Variants in BRAF observed in about 807,000 individuals in gnomAD.
BRAF encodes B-Raf proto-oncogene, serine/threonine kinase, also known as serine/threonine-protein kinase B-raf.
A neutral mutation model predicts 104.6 loss-of-function variants in BRAF; 16 were observed. That is an observed-to-expected ratio of 0.15 (90% CI 0.10 to 0.23). BRAF has a LOEUF of 0.23. BRAF is among the 10% of genes least tolerant of loss of function. The pLI is 1.00. For synonymous variants in BRAF, 310 were observed against 341.6 expected, an observed-to-expected ratio of 0.91 and a Z score of 1.02; for missense variants, 541 against 937.3, an observed-to-expected ratio of 0.58 and a Z score of 5.52.
chr7:140,734,272 C>T, intron 19 of BRAF: 1 of 1,222,124 alleles, frequency 8.2e-7, no homozygotes, highest in East Asian at 3.6e-5. Context: ...TAGCTGGCAA[C>T]AAAAGTTGCA....
chr7:140,800,400 A>G lies in BRAF; in HGVS notation c.942T>C (p.Ser314=). The G allele has an allele frequency of 6.2e-7, 1 of 1,614,204 alleles. No homozygotes were observed. Residue 314 remains serine (S), a synonymous_variant, in exon 7 of 20, where the codon TCT becomes TCC. Transcript: ENST00000644969. ...AGGCGGGTGCGGAAGGGGATGATCCAGATGTTAGGGCAGTCTCTGCTAAGG... is the reference window on the plus strand; with the variant it reads ...AGGCGGGTGCGGAAGGGGATGATCCGGATGTTAGGGCAGTCTCTGCTAAGG... The part of the protein sequence containing the change: ...EASLAETALT[S]GSSPSAPASD...
At chr7:140,815,503 G>T (rs10252774) in intron 3 of BRAF, among the ~76,000 whole-genome samples, 7 of 139,222 alleles carry the variant, frequency 5.0e-5, no homozygotes, top group Non-Finnish European at 9.0e-5. Context: ...GTGCGACCTA[G>T]AATCACTGCA....
At chr7:140,794,543 A>C in intron 7 of BRAF, 76 bp from the exon 8 acceptor site, 1 of 1,510,108 alleles carries the variant, frequency 6.6e-7, no homozygotes, top group Non-Finnish European at 9.1e-7. Context: ...AAGGAAGATA[A>C]AAGGATTTTC....
At chr7:140,893,252 CTT>C (rs1212458745) in intron 1 of BRAF, among the ~76,000 whole-genome samples, 31 of 141,618 alleles carry the variant, frequency 2.2e-4, no homozygotes, top group Admixed American at 2.8e-4. Flanking sequence ...CCATAACATT[CTT>C]TTTTTTTTTT....
At chr7:140,785,541 C>CA (rs2129029277) in intron 10 of BRAF, 1 of 392,758 alleles carries the variant, frequency 2.5e-6, no homozygotes, top group East Asian at 3.6e-5. Flanking sequence ...GACGTACATT[C>CA]AAAGCATTCC....
intron 14 of BRAF, among the ~76,000 whole-genome samples, chr7:140,760,510 A>C (rs1798601509): frequency 6.6e-6 from 1 of 152,148 alleles, no homozygotes; most frequent in African/African-American, 2.4e-5. Context: ...AAGGAGAGCA[A>C]CTGGACAGTG....
rs1350588476 is a variant in BRAF at position 140,889,222 on chromosome 7, AC to A, written c.138+35343del. Among the ~76,000 whole-genome samples the A allele has an allele frequency of 4.6e-5, 7 of 152,322 alleles. No individual in the cohort carries two copies. The East Asian group carries it at 1.3e-3, about 29-fold the overall frequency. ...CAGGTTACTTAATTTCTGACAAGAAACTAGCTATTTTAAAAAAATTATCCAG... is the reference window on the plus strand; with the variant it reads ...CAGGTTACTTAATTTCTGACAAGAAATAGCTATTTTAAAAAAATTATCCAG... On this transcript the variant is annotated intron_variant, in intron 1 of 19. Coordinates refer to ENST00000644969, the MANE Select transcript of BRAF (RefSeq NM_001374258.1).
intron 1 of BRAF, among the ~76,000 whole-genome samples, chr7:140,879,885 C>T (rs896075579): frequency 6.6e-6 from 1 of 152,026 alleles, no homozygotes; most frequent in Non-Finnish European, 1.5e-5. Flanking sequence ...GTGCGTGCCA[C>T]CACGACTTGC....
intron 1 of BRAF, among the ~76,000 whole-genome samples, chr7:140,897,535 C>T (rs1815095932): frequency 1.6e-5 from 2 of 123,632 alleles, no homozygotes; most frequent in South Asian, 5.0e-4. Context: ...CTTGCTCTGT[C>T]GCCAGGCTGG....
chr7:140,774,436 G>A (rs1800134528), intron 14 of BRAF, among the ~76,000 whole-genome samples: 1 of 152,190 alleles, frequency 6.6e-6, no homozygotes, highest in South Asian at 2.1e-4. Flanking sequence ...ATTTGATAAT[G>A]TTCTTCTTTA....
At chr7:140,803,482 T>G (rs1422894206) in intron 5 of BRAF, among the ~76,000 whole-genome samples, 2 of 152,092 alleles carry the variant, frequency 1.3e-5, no homozygotes, top group African/African-American at 4.8e-5. Context: ...ATAAAACTAG[T>G]AAGTAATCAT....
chr7:140,753,716 T>TC (rs1797972017), intron 15 of BRAF: 2 of 311,214 alleles, frequency 6.4e-6, no homozygotes, highest in South Asian at 6.6e-5. Context: ...CTCTTGGCAC[T>TC]CCTGGGCGAG....
chr7:140,797,950 T>C (rs1802659386), intron 7 of BRAF, among the ~76,000 whole-genome samples: 1 of 152,212 alleles, frequency 6.6e-6, no homozygotes, highest in Non-Finnish European at 1.5e-5. Flanking sequence ...AAGAGATAAC[T>C]GCTACAACCT....
At chr7:140,864,749 T>C (rs1009229979) in intron 1 of BRAF, among the ~76,000 whole-genome samples, 1 of 152,308 alleles carries the variant, frequency 6.6e-6, no homozygotes, top group Non-Finnish European at 1.5e-5. Flanking sequence ...GTCATTCCTA[T>C]TTACATACAT....
At chr7:140,871,746 C>T (rs1293391927) in intron 1 of BRAF, among the ~76,000 whole-genome samples, 3 of 152,162 alleles carry the variant, frequency 2.0e-5, no homozygotes, top group African/African-American at 7.2e-5. Flanking sequence ...ACATGTATGG[C>T]TATTTAATTT....
At chr7:140,760,620 G>A (rs912495531) in intron 14 of BRAF, among the ~76,000 whole-genome samples, 9 of 151,674 alleles carry the variant, frequency 5.9e-5, no homozygotes, top group African/African-American at 9.7e-5. Context: ...GACCCCAAAA[G>A]TTTTTTTTAA....
chr7:140,825,396 G>C (rs1441001305), intron 3 of BRAF, among the ~76,000 whole-genome samples: 1 of 152,142 alleles, frequency 6.6e-6, no homozygotes, highest in African/African-American at 2.4e-5. Flanking sequence ...GTCTTTTGAA[G>C]AGCAGAAGTT....
At chr7:140,850,841 C>A (rs1809085736) in intron 1 of BRAF, among the ~76,000 whole-genome samples, 1 of 152,032 alleles carries the variant, frequency 6.6e-6, no homozygotes, top group Non-Finnish European at 1.5e-5. Flanking sequence ...CTGTATGCTC[C>A]CTGATTGATC....
chr7:140,872,352 TA>T lies in BRAF; in HGVS notation c.139-22141del, dbSNP rs574077281. 3.0e-3 allele frequency among the ~76,000 whole-genome samples: 449 copies of T among 148,602 alleles called. 3 individuals are homozygous for T. Among genetic ancestry groups the T allele is most frequent in the South Asian group, 0.021 (97 of 4,722 alleles). Reference sequence around the variant, plus strand: ...AGTCCATGGTACTTTAACAAAAAGTTAAAAAAAAAATATGAAGTAAAATGAA... The same window carrying T: ...AGTCCATGGTACTTTAACAAAAAGTTAAAAAAAAATATGAAGTAAAATGAA... On this transcript the variant is annotated intron_variant, in intron 1 of 19. Transcript: ENST00000644969.
Sources: gnomAD v4.1 joint callset for allele counts (sites outside exome capture counted in the v4.1 genomes callset) on GRCh38, gnomAD v4.1.1 for gene constraint, MANE v1.5 for transcripts, NCBI Gene and HGNC (gene_info 2026-07-23, HGNC 2026-07-21) for gene names.